CSMD1: variants seen among roughly 807,000 people sequenced by gnomAD.
CSMD1 encodes CUB and Sushi multiple domains 1.
A neutral mutation model predicts 417.5 loss-of-function variants in CSMD1; 213 were observed. The observed-to-expected ratio is 0.51, with a 90% CI of 0.46 to 0.57. The LOEUF (loss-of-function observed/expected upper bound fraction) is 0.57, where lower values mean the gene tolerates loss of function less well. Ranked by LOEUF, CSMD1 falls within the 20% of genes least tolerant of loss-of-function variation. CSMD1 has a pLI of 0.00. For synonymous variants in CSMD1, 2,862 were observed against 1,736.8 expected (o/e 1.65, Z -16.11); for missense variants, 6,923 against 4,529.7 (o/e 1.53, Z -15.17).
intron 10 of CSMD1, among the ~76,000 whole-genome samples, chr8:3,501,982 A>G (rs992716780): frequency 1.6e-4 from 24 of 152,204 alleles, no homozygotes; most frequent in African/African-American, 5.5e-4. Flanking sequence ...GGGAATGCAA[A>G]ATGGTACAGT....
intron 6 of CSMD1, among the ~76,000 whole-genome samples, chr8:3,722,411 C>T (rs1802235318): frequency 6.6e-6 from 1 of 152,164 alleles, no homozygotes; most frequent in Admixed American, 6.5e-5. Context: ...AAGAAATCAA[C>T]ATATAATTAA....
At chr8:4,671,743 TTGTG>T (rs368442471) in intron 1 of CSMD1, among the ~76,000 whole-genome samples, 2 of 152,024 alleles carry the variant, frequency 1.3e-5, no homozygotes, top group African/African-American at 2.4e-5. Context: ...GTGTGTGTGC[TTGTG>T]TGTGTGTGCT....
intron 10 of CSMD1, among the ~76,000 whole-genome samples, chr8:3,509,860 C>G (rs1422553105): frequency 6.6e-6 from 1 of 152,090 alleles, no homozygotes; most frequent in Non-Finnish European, 1.5e-5. Flanking sequence ...CAGGTTGGAC[C>G]CAACTCTGTG....
intron 4 of CSMD1, among the ~76,000 whole-genome samples, chr8:4,027,083 T>G (rs756521890): frequency 6.6e-6 from 1 of 152,142 alleles, no homozygotes; most frequent in African/African-American, 2.4e-5. Context: ...CCAGGATAGG[T>G]CGGCCACAGA....
At position 3,725,170 on chromosome 8, in the gene CSMD1, C is replaced by T. The variant is rs772641559; in HGVS notation, c.932-16679G>A. 1.3e-3 allele frequency among the ~76,000 whole-genome samples: 194 copies of T among 152,122 alleles called. 1 individual carries two copies. The highest frequency in any genetic ancestry group is 1.8e-3 in the Non-Finnish European group (120 of 68,002). On this transcript the variant is annotated intron_variant, in intron 6 of 69. Coordinates refer to ENST00000635120, the MANE Select transcript of CSMD1 (RefSeq NM_033225.6). ...AAAGGGACTAAAGGAGGGAGCTGTGCCCTGAAGGCAAGGAGGTAGGTTCAA... is the reference window on the plus strand; with the variant it reads ...AAAGGGACTAAAGGAGGGAGCTGTGTCCTGAAGGCAAGGAGGTAGGTTCAA...
chr8:3,228,463 G>GT (rs1234087289), intron 27 of CSMD1, among the ~76,000 whole-genome samples: 24 of 152,070 alleles, frequency 1.6e-4, no homozygotes, highest in African/African-American at 5.8e-4. Flanking sequence ...GGCGGGTCTG[G>GT]TTGCCAAAAT....
intron 1 of CSMD1, among the ~76,000 whole-genome samples, chr8:4,734,903 A>G (rs1174112112): frequency 1.3e-5 from 2 of 152,114 alleles, no homozygotes; most frequent in Non-Finnish European, 2.9e-5. Flanking sequence ...TGGCCACAGT[A>G]TTTCCTTCTC....
intron 1 of CSMD1, among the ~76,000 whole-genome samples, chr8:4,950,112 C>CATA (rs35214069): frequency 0.51 from 77,523 of 151,692 alleles, 20,166 homozygotes; most frequent in Admixed American, 0.56. Context: ...AGAAATGTTT[C>CATA]ATATGATAAG....
chr8:2,999,534 C>T (rs571425914), intron 53 of CSMD1, among the ~76,000 whole-genome samples: 86 of 152,218 alleles, frequency 5.6e-4, no homozygotes, highest in African/African-American at 2.0e-3. Context: ...AAAATGTATG[C>T]AACACGGATG....
At chr8:4,779,355 G>C (rs10081533) in intron 1 of CSMD1, among the ~76,000 whole-genome samples, 1 of 152,036 alleles carries the variant, frequency 6.6e-6, no homozygotes, top group Non-Finnish European at 1.5e-5. Context: ...TGGCTCAAAG[G>C]ATAATTTTTT....
At chr8:3,739,198 G>A (rs1796674109) in intron 6 of CSMD1, among the ~76,000 whole-genome samples, 1 of 152,172 alleles carries the variant, frequency 6.6e-6, no homozygotes, top group African/African-American at 2.4e-5. Flanking sequence ...TGTAAGGAAT[G>A]CAATCCCCAC....
chr8:4,905,407 G>T (rs540860340), intron 1 of CSMD1, among the ~76,000 whole-genome samples: 57 of 152,026 alleles, frequency 3.7e-4, no homozygotes, highest in African/African-American at 1.2e-3. Flanking sequence ...TATATTTATA[G>T]ATTTATAAAA....
intron 6 of CSMD1, among the ~76,000 whole-genome samples, chr8:3,713,815 G>A (rs1801665889): frequency 6.6e-6 from 1 of 152,138 alleles, no homozygotes; most frequent in African/African-American, 2.4e-5. Flanking sequence ...TTGCAAATTT[G>A]AAGAATTCAG....
intron 2 of CSMD1, among the ~76,000 whole-genome samples, chr8:4,594,687 T>C (rs1800163955): frequency 1.3e-5 from 2 of 152,194 alleles, no homozygotes; most frequent in Admixed American, 1.3e-4. Flanking sequence ...GTTGCCTTTG[T>C]AATCAAAACT....
At chr8:3,421,170 T>C (rs1266111342) in intron 12 of CSMD1, among the ~76,000 whole-genome samples, 2 of 152,212 alleles carry the variant, frequency 1.3e-5, no homozygotes, top group Admixed American at 6.5e-5. Context: ...ATTTCTTTTC[T>C]TAAACTCATA....
At chr8:4,274,203 A>T (rs1489023870) in intron 3 of CSMD1, among the ~76,000 whole-genome samples, 1 of 152,206 alleles carries the variant, frequency 6.6e-6, no homozygotes, top group African/African-American at 2.4e-5. Flanking sequence ...ACCAGAGAAG[A>T]AAATAGTTTA....
intron 3 of CSMD1, among the ~76,000 whole-genome samples, chr8:4,227,083 C>G (rs1015540391): frequency 6.6e-6 from 1 of 152,108 alleles, no homozygotes; most frequent in East Asian, 1.9e-4. Context: ...TAATAAATGA[C>G]GCATGCCTGA....
intron 26 of CSMD1, among the ~76,000 whole-genome samples, chr8:3,236,578 C>A (rs973872295): frequency 1.3e-5 from 2 of 152,174 alleles, no homozygotes; most frequent in African/African-American, 2.4e-5. Flanking sequence ...TTATTCTAGA[C>A]TAATACAAAC....
chr8:4,559,809 C>T (rs1798248051), intron 2 of CSMD1, among the ~76,000 whole-genome samples: 1 of 152,250 alleles, frequency 6.6e-6, no homozygotes, highest in African/African-American at 2.4e-5. Context: ...CACGTCATCT[C>T]ATGTTCACTT....
Sources: gnomAD v4.1 joint callset for allele counts (sites outside exome capture counted in the v4.1 genomes callset) on GRCh38, gnomAD v4.1.1 for gene constraint, MANE v1.5 for transcripts, NCBI Gene and HGNC (gene_info 2026-07-23, HGNC 2026-07-21) for gene names.